SMOC2: variants seen among roughly 807,000 people sequenced by gnomAD.
SMOC2 encodes SPARC-related modular calcium-binding protein 2.
In SMOC2, 39 loss-of-function variants were observed where a neutral mutation model predicts 61.4. That is an observed-to-expected ratio of 0.64 (90% confidence interval 0.49 to 0.83). The LOEUF is 0.83. SMOC2 is among the 40% of genes least tolerant of loss of function. The probability of loss-of-function intolerance (pLI) is 0.00; values close to 1 mark genes in which losing one functional copy is unlikely to be tolerated. For synonymous variants in SMOC2, 247 were observed against 239.9 expected (o/e 1.03, Z -0.27); for missense variants, 556 against 592.9 (o/e 0.94, Z 0.65).
chr6:168,520,783 T>C (rs1430611487), intron 2 of SMOC2, among the ~76,000 whole-genome samples: 1 of 152,208 alleles, frequency 6.6e-6, no homozygotes, highest in Non-Finnish European at 1.5e-5. Flanking sequence ...TTGCCTAGCT[T>C]AGTGTGTTTA....
chr6:168,602,731 A>G (rs986451459), intron 8 of SMOC2, among the ~76,000 whole-genome samples: 5 of 152,224 alleles, frequency 3.3e-5, no homozygotes, highest in African/African-American at 4.8e-5. Context: ...ACAGTTAGAC[A>G]GGTGGTAGAC....
chr6:168,464,577 T>A (rs1222127047), intron 1 of SMOC2, among the ~76,000 whole-genome samples: 1 of 151,526 alleles, frequency 6.6e-6, no homozygotes, highest in East Asian at 1.9e-4. Flanking sequence ...TTTTTTTTTT[T>A]AACATACTTT....
At position 168,639,481 on chromosome 6, in the gene SMOC2, C is replaced by T. The variant is rs543582692; in HGVS notation, c.908-11200C>T. 1.0e-3 allele frequency among the ~76,000 whole-genome samples: 153 copies of T among 152,244 alleles called. 7 individuals are homozygous for T. The highest frequency in any genetic ancestry group is 6.8e-4 in the Non-Finnish European group (46 of 68,026). ...GGGTATCTGGGATAACCGTCAACTC[C>T]AATATTTGTCTTTCCGTTGTGTTGG... On this transcript the variant is annotated intron_variant, in intron 9 of 12. Transcript: ENST00000356284.
Position 168,607,335 on chromosome 6 carries a change from G to A in SMOC2, c.825-822G>A, listed in dbSNP as rs57186547. ...CAAGGATAAAACCCAGGCAAAGCAG[G>A]CCTTGGTCAAGGGCTGCTGAATGGC... On this transcript the variant is annotated intron_variant, in intron 8 of 12. Coordinates refer to ENST00000356284, the MANE Select transcript of SMOC2 (RefSeq NM_001166412.2). 9.9e-3 allele frequency among the ~76,000 whole-genome samples: 1,514 copies of A among 152,296 alleles called. 25 individuals carry two copies. Among genetic ancestry groups the A allele is most frequent in the African/African-American group, 0.034 (1,434 of 41,572 alleles).
At chr6:168,517,938 C>T (rs1048556226) in intron 2 of SMOC2, among the ~76,000 whole-genome samples, 1 of 152,238 alleles carries the variant, frequency 6.6e-6, no homozygotes, top group Non-Finnish European at 1.5e-5. Context: ...GAGCCTGGGC[C>T]GGGGGGCTCT....
intron 7 of SMOC2, among the ~76,000 whole-genome samples, chr6:168,589,924 G>A (rs1312092092): frequency 1.7e-5 from 1 of 60,274 alleles, no homozygotes; most frequent in Non-Finnish European, 3.4e-5. Context: ...GTCAGGTGTG[G>A]CATGAGTTTA....
At chr6:168,490,187 T>C (rs113091265) in intron 1 of SMOC2, among the ~76,000 whole-genome samples, 1 of 146,984 alleles carries the variant, frequency 6.8e-6, no homozygotes, top group African/African-American at 2.6e-5. Flanking sequence ...TATATCAAAT[T>C]GTCTGGGTCC....
intron 7 of SMOC2, among the ~76,000 whole-genome samples, chr6:168,583,649 C>T (rs990158997): frequency 1.3e-5 from 2 of 152,170 alleles, no homozygotes; most frequent in African/African-American, 4.8e-5. Flanking sequence ...GCCTCACACA[C>T]AAGCAAATTT....
In SMOC2 at chr6:168,599,811, C is replaced by CCACA. The variant is rs77047132; in HGVS notation, c.824+821_824+824dup. The stretch of plus-strand genomic sequence containing the variant: ...ACATACCCACAGTCACACATTCACC[C>CCACA]CACACACACACACACACGCCCCCCA... On this transcript the variant is annotated intron_variant, in intron 8 of 12. Transcript: ENST00000356284. Among the ~76,000 whole-genome samples the CCACA allele has an allele frequency of 7.4e-4, 67 of 91,038 alleles. 1 individual carries two copies. The highest frequency in any genetic ancestry group is 2.5e-3 in the African/African-American group (55 of 22,282). The allele number at this position is 91,038 out of a possible 152,430, so 59.7% of individuals were successfully genotyped here. A position where few individuals can be genotyped will look rare whatever the true frequency, so the allele number is the denominator to read the frequency against.
At chr6:168,664,788 G>A (rs564591295) in intron 12 of SMOC2, 9 of 471,106 alleles carry the variant, frequency 1.9e-5, no homozygotes, top group East Asian at 7.0e-5. Flanking sequence ...CGCAAGTCAA[G>A]AACACTTTCC....
At chr6:168,660,929 C>T (rs1220877504) in intron 11 of SMOC2, among the ~76,000 whole-genome samples, 2 of 152,182 alleles carry the variant, frequency 1.3e-5, no homozygotes, top group Non-Finnish European at 2.9e-5. Flanking sequence ...CTTCAGATCC[C>T]TCTGAATAAT....
chr6:168,540,835 C>T (rs145524520), intron 4 of SMOC2, among the ~76,000 whole-genome samples: 4 of 152,142 alleles, frequency 2.6e-5, no homozygotes, highest in Non-Finnish European at 4.4e-5. Context: ...AGGGGTGAGC[C>T]GCAGGCTTGT....
chr6:168,582,194 C>T (rs1452888709), intron 7 of SMOC2, among the ~76,000 whole-genome samples: 2 of 152,164 alleles, frequency 1.3e-5, no homozygotes, highest in East Asian at 3.9e-4. Flanking sequence ...TTCTTTATGT[C>T]ACAGCTCTGC....
chr6:168,565,809 C>T (rs749855845), intron 7 of SMOC2, among the ~76,000 whole-genome samples: 2 of 152,320 alleles, frequency 1.3e-5, no homozygotes, highest in African/African-American at 2.4e-5. Context: ...CAGTGAAAAA[C>T]GGCTTTACAA....
intron 2 of SMOC2, among the ~76,000 whole-genome samples, chr6:168,517,465 T>C (rs931481717): frequency 1.3e-5 from 2 of 152,202 alleles, no homozygotes; most frequent in African/African-American, 4.8e-5. Flanking sequence ...TGCAGCTCCT[T>C]CCACTTCCCA....
At chr6:168,501,705 G>A (rs2749247) in intron 1 of SMOC2, among the ~76,000 whole-genome samples, 78,405 of 152,208 alleles carry the variant, frequency 0.52, 20,824 homozygotes, top group East Asian at 0.75. Flanking sequence ...AAACAACCAC[G>A]GCCTCAGGGC....
intron 1 of SMOC2, among the ~76,000 whole-genome samples, chr6:168,472,823 G>A (rs1781993098): frequency 6.6e-6 from 1 of 152,042 alleles, no homozygotes; most frequent in African/African-American, 2.4e-5. Context: ...AGGGGAAATG[G>A]GGAAATGCTA....
In SMOC2 at chr6:168,441,311, C is replaced by G; in HGVS notation, c.-60C>G. 6.8e-7 allele frequency: 1 copy of G among 1,476,838 alleles called. No individual in the cohort carries two copies. Among genetic ancestry groups the G allele is most frequent in the Non-Finnish European group, 8.9e-7 (1 of 1,121,688 alleles). The allele number at this position is 1,476,838 out of a possible 1,614,324, so 91.5% of individuals were successfully genotyped here. On this transcript the variant is annotated 5_prime_UTR_variant, in exon 1 of 13. Coordinates refer to ENST00000356284, the MANE Select transcript of SMOC2 (RefSeq NM_001166412.2). ...GCCGCGCTCGCCCACTGGGCTCTCC[C>G]GGCTGCAGTGCCAGGGCGCAGGACG...
At chr6:168,607,864 G>GCGCTGCTCCATCCAACCC (rs56052949) in intron 8 of SMOC2, among the ~76,000 whole-genome samples, 37 of 151,628 alleles carry the variant, frequency 2.4e-4, no homozygotes, top group South Asian at 4.2e-4. Context: ...GGAGGTGTGG[G>GCGCTGCTCCATCCAACCC]TGCTTGGCAG....
Sources: allele counts gnomAD v4.1 joint callset (sites outside exome capture counted in the v4.1 genomes callset), GRCh38; gene constraint gnomAD v4.1.1; transcripts MANE v1.5; gene names NCBI Gene and HGNC (gene_info 2026-07-23, HGNC 2026-07-21).